Variants in FANCM observed in about 807,000 individuals in gnomAD.
The protein encoded by FANCM is FA complementation group M.
A neutral mutation model predicts 199.5 loss-of-function variants in FANCM; 140 were observed. The observed-to-expected ratio is 0.70, with a 90% CI of 0.61 to 0.81. FANCM has a LOEUF of 0.81. FANCM is among the 30% of genes least tolerant of loss of function. FANCM has a pLI of 0.00. For synonymous variants in FANCM, 840 were observed against 836.8 expected (o/e 1.00, Z -0.07); for missense variants, 2,410 against 2,421.4 (o/e 1.00, Z 0.10).
intron 20 of FANCM, chr14:45,195,569 TTGGA>T (rs1890009671): frequency 2.2e-6 from 1 of 456,406 alleles, no homozygotes; most frequent in Admixed American, 2.3e-5. Flanking sequence ...GCAGATTACT[TTGGA>T]AAGGAAAGCT....
intron 14 of FANCM, among the ~76,000 whole-genome samples, chr14:45,181,110 A>G (rs1403517125): frequency 6.6e-6 from 1 of 152,248 alleles, no homozygotes; most frequent in Admixed American, 6.5e-5. Flanking sequence ...GATAAATTCT[A>G]TTAATGGAAC....
rs139062079 is a variant in FANCM at position 45,190,380 on chromosome 14, A to G, written c.5340+1018A>G. ...ACCAAGTATAACATGATGTTTTGAA[A>G]TATGTATACATTGTGGAATGGCTAG... is the stretch of plus-strand genomic sequence containing the variant. On this transcript the variant is annotated intron_variant, in intron 20 of 22. Transcript: ENST00000267430. Among the ~76,000 whole-genome samples, 13 of 152,330 alleles carry G rather than the reference A, an allele frequency of 8.5e-5. No individual in the cohort carries two copies. In the East Asian group the frequency reaches 2.5e-3, roughly 29 times the overall value.
At position 45,188,930 on chromosome 14, in the gene FANCM, A is replaced by G. The variant is rs1457220401; in HGVS notation, c.4908A>G (p.Ala1636=). ...ACTTAATAACTGATGATTGCTTTGC[A>G]AATAGTAAAAAGTATAAAACTCGAC... The part of the protein sequence containing the change: ...DFNLITDDCF[A]NSKKYKTRRA... The change falls in exon 20 of 23, where the codon GCA becomes GCG. Residue 1636 remains alanine (A), a synonymous_variant. Coordinates refer to ENST00000267430, the MANE Select transcript of FANCM (RefSeq NM_020937.4). The G allele has an allele frequency of 6.2e-7, 1 of 1,613,928 alleles. No individual in the cohort carries two copies. The highest frequency in any genetic ancestry group is 1.3e-5 in the African/African-American group (1 of 74,926).
chr14:45,174,922 T>G (rs1888565440), intron 13 of FANCM, 149 bp from the exon 14 acceptor site: 1 of 564,726 alleles, frequency 1.8e-6, no homozygotes, highest in African/African-American at 1.9e-5. Context: ...AATTTTGATT[T>G]ATCGGAATAA....
Position 45,136,167 on chromosome 14 carries a change from G to C in FANCM, c.136G>C (p.Ala46Pro). Residue 46 changes from alanine to proline, a missense_variant, in exon 1 of 23, where the codon GCG becomes CCG. By Grantham distance (27) the Ala-to-Pro change is conservative (BLOSUM62 -1). Coordinates refer to ENST00000267430, the MANE Select transcript of FANCM (RefSeq NM_020937.4). Reference sequence around the variant, plus strand: ...CTCCAAGGCGCCTTTGCCAGCAGCAGCGGAGGCTCAGCTGGAGTCGGACGA... The same window carrying C: ...CTCCAAGGCGCCTTTGCCAGCAGCACCGGAGGCTCAGCTGGAGTCGGACGA... ...GSSKAPLPAA[A>P]EAQLESDDDV... 2 of 1,614,208 alleles carry C rather than the reference G, an allele frequency of 1.2e-6. No individual in the cohort carries two copies. The highest frequency in any genetic ancestry group is 1.3e-5 in the African/African-American group (1 of 75,064).
intron 9 of FANCM, among the ~76,000 whole-genome samples, chr14:45,160,087 G>A (rs1232124888): frequency 2.1e-5 from 3 of 145,138 alleles, no homozygotes; most frequent in Admixed American, 7.1e-5. Flanking sequence ...TGCAACCTCC[G>A]CCTCCCAGGT....
At chr14:45,157,373 G>A in intron 8 of FANCM, among the ~76,000 whole-genome samples, 1 of 152,308 alleles carries the variant, frequency 6.6e-6, no homozygotes, top group Middle Eastern at 3.4e-3. Flanking sequence ...GAGATATACA[G>A]AGGAGGGTCC....
chr14:45,161,906 G>A (rs1419977520), intron 9 of FANCM, among the ~76,000 whole-genome samples: 1 of 152,184 alleles, frequency 6.6e-6, no homozygotes, highest in African/African-American at 2.4e-5. Flanking sequence ...CTTGGACTAG[G>A]GTGGTAACAA....
intron 20 of FANCM, chr14:45,195,585 G>A (rs907191142): frequency 4.4e-6 from 2 of 455,904 alleles, no homozygotes; most frequent in Non-Finnish European, 8.8e-6. Flanking sequence ...AGGAAAGCTG[G>A]GTATGTTCTG....
Position 45,176,800 on chromosome 14 carries a change from C to A in FANCM, c.4046C>A (p.Ser1349Ter). The A allele has an allele frequency of 6.2e-7, 1 of 1,606,870 alleles. No individual in the cohort carries two copies. The highest frequency in any genetic ancestry group is 1.1e-5 in the South Asian group (1 of 89,690). ...CTCTCTAAATCAAACACATTGAACT[C>A]ATTTTCTAAGATAAGAAAGGAAATA... ...TPLSKSNTLN[S>*]FSKIRKEILK... Residue 1349 changes from serine to a stop codon, truncating the protein, a stop_gained, in exon 14 of 23, where the codon TCA becomes TAA. Transcript: ENST00000267430. LOFTEE classifies it high-confidence loss of function.
intron 3 of FANCM, among the ~76,000 whole-genome samples, chr14:45,143,171 CTTT>C (rs58148802): frequency 2.1e-5 from 3 of 140,344 alleles, no homozygotes; most frequent in African/African-American, 5.2e-5. Context: ...TAGACATGCA[CTTT>C]TTTTTTTTTT....
chr14:45,166,993 C>G lies in FANCM; in HGVS notation c.1832C>G (p.Ala611Gly). 6.2e-7 allele frequency: 1 copy of G among 1,606,466 alleles called. No individual in the cohort carries two copies. Among genetic ancestry groups the G allele is most frequent in the East Asian group, 2.2e-5 (1 of 44,828 alleles). Reference protein sequence around the residue: ...SQSNKRSIYKAISSNRQVLHF... With the variant: ...SQSNKRSIYKGISSNRQVLHF... ...TCCAACAAAAGAAGTATATATAAAG[C>G]TATTTCAAGTAACAGGCAGGTCCTT... Residue 611 changes from alanine to glycine, a missense_variant, in exon 11 of 23, where the codon GCT becomes GGT. Transcript: ENST00000267430.
In FANCM at chr14:45,137,170, C is replaced by G; in HGVS notation, c.610C>G (p.Pro204Ala). ...MVNDLSRGAC[P>A]AAEIKCLVID... ...AAATGACCTTTCTAGAGGAGCTTGT[C>G]CCGCTGCTGAAATAAAGTGTTTAGT... is the stretch of plus-strand genomic sequence containing the variant. The change falls in exon 2 of 23, where the codon CCC becomes GCC. Residue 204 changes from proline to alanine, a missense_variant. Pro to Ala is a conservative substitution (Grantham distance 27). Coordinates refer to ENST00000267430, the MANE Select transcript of FANCM (RefSeq NM_020937.4). The G allele has an allele frequency of 6.2e-7, 1 of 1,613,786 alleles. No homozygotes were observed. Among genetic ancestry groups the G allele is most frequent in the Non-Finnish European group, 8.5e-7 (1 of 1,179,906 alleles).
chr14:45,195,468 T>C (rs886167842), intron 20 of FANCM: 4 of 446,132 alleles, frequency 9.0e-6, no homozygotes, highest in African/African-American at 6.1e-5. Context: ...CGTTTAACTG[T>C]TTTTGGGGAC....
At chr14:45,193,043 C>A (rs2139309674) in intron 20 of FANCM, among the ~76,000 whole-genome samples, 1 of 152,266 alleles carries the variant, frequency 6.6e-6, no homozygotes, top group South Asian at 2.1e-4. Context: ...GGGGAAGAGA[C>A]AAGCAATTAC....
chr14:45,185,714 C>A (rs1889358272), intron 18 of FANCM, among the ~76,000 whole-genome samples: 1 of 152,090 alleles, frequency 6.6e-6, no homozygotes, highest in Non-Finnish European at 1.5e-5. Flanking sequence ...CAAAAAATTT[C>A]TTCTTATGAA....
chr14:45,173,323 C>T (rs1888462140), intron 13 of FANCM, 113 bp downstream of exon 13: 2 of 920,264 alleles, frequency 2.2e-6, no homozygotes, highest in Non-Finnish European at 3.5e-6. Context: ...CTGTATAGTT[C>T]CTTGTGATCT....
chr14:45,142,057 T>C (rs140578584), intron 3 of FANCM, among the ~76,000 whole-genome samples: 1,612 of 152,188 alleles, frequency 0.011, 59 homozygotes, highest in African/African-American at 0.037. Context: ...GCCAGAAAAA[T>C]TGCAAAAATA....
At chr14:45,170,234 G>C (rs948357894) in intron 11 of FANCM, among the ~76,000 whole-genome samples, 1 of 152,204 alleles carries the variant, frequency 6.6e-6, no homozygotes, top group Non-Finnish European at 1.5e-5. Flanking sequence ...TTAGAAGCAT[G>C]AAGTAATAAA....
Sources: gnomAD v4.1 joint callset for allele counts (sites outside exome capture counted in the v4.1 genomes callset) on GRCh38, gnomAD v4.1.1 for gene constraint, MANE v1.5 for transcripts, NCBI Gene and HGNC (gene_info 2026-07-23, HGNC 2026-07-21) for gene names.